ITGA5: variants seen among roughly 807,000 people sequenced by gnomAD.
The protein encoded by ITGA5 is integrin alpha-5.
Under a neutral mutation model 146.3 loss-of-function variants are expected in ITGA5, and 55 were observed. The observed-to-expected ratio is 0.38, with a 90% CI of 0.30 to 0.47. The LOEUF is 0.47. Among genes scored for constraint, ITGA5 ranks in the 20% least tolerant of loss-of-function variants. The pLI is 0.99. For synonymous variants in ITGA5, 500 were observed against 531.8 expected, an observed-to-expected ratio of 0.94 and a Z score of 0.82; for missense variants, 1,131 against 1,329.0, an observed-to-expected ratio of 0.85 and a Z score of 2.32.
Position 54,401,957 on chromosome 12 carries a change from G to C in ITGA5, c.2226+44C>G. 1 of 1,606,092 alleles carries C rather than the reference G, an allele frequency of 6.2e-7. No homozygotes were observed. The highest frequency in any genetic ancestry group is 8.5e-7 in the Non-Finnish European group (1 of 1,172,876). ...CTCGGCTGGCTGGTTACCGCCCTCAGGTCTGCTCTCCCTCTGTCCCATCCT... is the reference window on the plus strand; with the variant it reads ...CTCGGCTGGCTGGTTACCGCCCTCACGTCTGCTCTCCCTCTGTCCCATCCT... On this transcript the variant is annotated intron_variant, in intron 21 of 29. Transcript: ENST00000293379. This position sits in a 1 kb window ranked among gnomAD's most constrained non-coding sequence, Gnocchi z 5.0.
chr12:54,405,754 GAAGGTTCA>G (rs1282406814), intron 10 of ITGA5, 38 bp from the exon 11 acceptor site: 3 of 1,611,320 alleles, frequency 1.9e-6, no homozygotes, highest in Non-Finnish European at 2.5e-6. Context: ...GTCAGAACTA[GAAGGTTCA>G]ATCCACAGGA....
rs868268173 is a variant in ITGA5, at chr12:54,401,640, C to T, written c.2332G>A (p.Asp778Asn). ...ACGGAGAGCCGAAAGGAAACCACGT[C>T]GCTTTGCGAGTTGTTGAGATTCTTG... Reference protein sequence around the residue: ...LSKNLNNSQSDVVSFRLSVEA... With the variant: ...LSKNLNNSQSNVVSFRLSVEA... The change falls in exon 23 of 30, where the codon GAC (aspartate) becomes AAC (asparagine). Residue 778 changes from aspartate to asparagine, a missense_variant. Asp to Asn is a conservative substitution (Grantham distance 23, BLOSUM62 1). This residue lies in a region of ITGA5 where 889 missense variants were observed against 1,021.5 expected (regional missense o/e 0.87). Coordinates refer to ENST00000293379, the MANE Select transcript of ITGA5 (RefSeq NM_002205.5). The surrounding 1 kb of genome is among the most constrained non-coding windows in gnomAD (Gnocchi z 5.0). 1.2e-5 allele frequency: 20 copies of T among 1,614,058 alleles called. No homozygotes were observed. Among genetic ancestry groups the T allele is most frequent in the Admixed American group, 6.7e-5 (4 of 60,008 alleles).
rs568967025 is a variant in ITGA5, at chr12:54,397,398, C to G, written c.3033G>C (p.Leu1011=). The G allele has an allele frequency of 1.3e-4, 208 of 1,614,076 alleles. 4 individuals carry two copies. The South Asian group carries it at 2.2e-3, about 17-fold the overall frequency. The part of the protein sequence containing the change: ...IIILAILFGL[L]LLGLLIYILY... ...GGATGTAGATGAGTAGACCTAGGAGCAGGAGGCCAAACAGGATGGCTAGGA... is the reference window on the plus strand; with the variant it reads ...GGATGTAGATGAGTAGACCTAGGAGGAGGAGGCCAAACAGGATGGCTAGGA... The change falls in exon 29 of 30, where the codon CTG becomes CTC. Residue 1011 remains leucine, a synonymous_variant. Coordinates refer to ENST00000293379, the MANE Select transcript of ITGA5 (RefSeq NM_002205.5).
chr12:54,408,755 C>T lies in ITGA5; in HGVS notation c.691+1G>A, dbSNP rs1219092600. 6.3e-7 allele frequency: 1 copy of T among 1,586,438 alleles called. No homozygotes were observed. Among genetic ancestry groups the T allele is most frequent in the African/African-American group, 1.4e-5 (1 of 73,892 alleles). On this transcript the variant is annotated splice_donor_variant, in intron 6 of 29. Coordinates refer to ENST00000293379, the MANE Select transcript of ITGA5 (RefSeq NM_002205.5). LOFTEE classifies it high-confidence loss of function. The stretch of plus-strand genomic sequence containing the variant: ...AAAAGAATGGCAGAGACAGGACTTA[C>T]CTTGCCAGAAATAGCTTCCTGGTCC...
chr12:54,402,173 A>C lies in ITGA5; in HGVS notation c.2133+7T>G. On this transcript the variant is annotated splice_region_variant and intron_variant, in intron 20 of 29. Coordinates refer to ENST00000293379, the MANE Select transcript of ITGA5 (RefSeq NM_002205.5). The stretch of plus-strand genomic sequence containing the variant: ...CTCCCAAATCCCACTCGAGAGTCTC[A>C]TCTCACCCCTGGGTGTCTGACGAGT... The C allele has an allele frequency of 6.2e-7, 1 of 1,613,188 alleles. No homozygotes were observed. Among genetic ancestry groups the C allele is most frequent in the Non-Finnish European group, 8.5e-7 (1 of 1,179,360 alleles).
chr12:54,406,095 A>G, intron 9 of ITGA5, 169 bp from the exon 10 acceptor site: 1 of 636,592 alleles, frequency 1.6e-6, no homozygotes, highest in Non-Finnish European at 2.8e-6. Context: ...TATGCCAGGT[A>G]GTTCCACCCT....
intron 29 of ITGA5, among the ~76,000 whole-genome samples, chr12:54,397,065 A>G (rs2120455743): frequency 6.6e-6 from 1 of 152,300 alleles, no homozygotes; most frequent in South Asian, 2.1e-4. Context: ...GATGGCTGCC[A>G]TGGATTTTTG....
At chr12:54,417,975 G>T (rs549271275) in intron 1 of ITGA5, among the ~76,000 whole-genome samples, 2 of 152,098 alleles carry the variant, frequency 1.3e-5, no homozygotes, top group Admixed American at 1.3e-4. Flanking sequence ...GGCACTCGGG[G>T]TCCGGGTCTG....
At chr12:54,414,044 C>T (rs1315873350) in intron 1 of ITGA5, among the ~76,000 whole-genome samples, 2 of 152,196 alleles carry the variant, frequency 1.3e-5, no homozygotes, top group Non-Finnish European at 2.9e-5. Context: ...AGCCCACAAG[C>T]CAGGGGCATA....
At chr12:54,411,805 C>T (rs777552672) in intron 2 of ITGA5, 29 bp downstream of exon 2, 5 of 1,471,588 alleles carry the variant, frequency 3.4e-6, no homozygotes, top group East Asian at 2.6e-5. Flanking sequence ...TCCCACCCCC[C>T]AGTCCCTCCC....
In ITGA5 at chr12:54,396,200, G is replaced by T; in HGVS notation, c.*93C>A. Reference sequence around the variant, plus strand: ...GAGAGGAGCTTCTCCCTGGCCGTCAGCACCTTCAAGAAGTACCCAGACCCC... The same window carrying T: ...GAGAGGAGCTTCTCCCTGGCCGTCATCACCTTCAAGAAGTACCCAGACCCC... On this transcript the variant is annotated 3_prime_UTR_variant, in exon 30 of 30. Transcript: ENST00000293379. 9.9e-7 allele frequency: 1 copy of T among 1,014,566 alleles called. No individual in the cohort carries two copies. Among genetic ancestry groups the T allele is most frequent in the Non-Finnish European group, 1.5e-6 (1 of 654,414 alleles). 62.8% of individuals were successfully genotyped at this position (1,014,566 alleles called of 1,614,324 possible).
At chr12:54,413,616 T>TA (rs34977451) in intron 1 of ITGA5, among the ~76,000 whole-genome samples, 60 of 152,254 alleles carry the variant, frequency 3.9e-4, no homozygotes, top group African/African-American at 1.3e-3. Context: ...TGCACCGCCC[T>TA]AGGGCTGGGT....
chr12:54,413,338 G>A (rs987848657), intron 1 of ITGA5: 1 of 152,786 alleles, frequency 6.5e-6, no homozygotes, highest in African/African-American at 2.4e-5. Context: ...AGGGGTCTGT[G>A]AGGGCCAGTG....
At chr12:54,400,737 T>C (rs1955774670) in intron 25 of ITGA5, 109 bp downstream of exon 25, 5 of 1,098,428 alleles carry the variant, frequency 4.6e-6, no homozygotes, top group Non-Finnish European at 5.3e-6. Flanking sequence ...ACCCTAGCTA[T>C]AGGCACATCC....
At position 54,403,402 on chromosome 12, in the gene ITGA5, TC is replaced by T; in HGVS notation, c.1777-79del. The T allele has an allele frequency of 6.9e-7, 1 of 1,450,782 alleles. No individual in the cohort carries two copies. Among genetic ancestry groups the T allele is most frequent in the African/African-American group, 1.4e-5 (1 of 70,368 alleles). 89.9% of individuals were successfully genotyped at this position (1,450,782 alleles called of 1,614,324 possible). Reference sequence around the variant, plus strand: ...GCCCTGCTCCTCAGCCTCTCTCATCTCCCTTTGTCTGCTTAGGGCCCAATTC... The same window carrying T: ...GCCCTGCTCCTCAGCCTCTCTCATCTCCTTTGTCTGCTTAGGGCCCAATTC... On this transcript the variant is annotated intron_variant, in intron 17 of 29. Transcript: ENST00000293379. The surrounding 1 kb of genome is among the most constrained non-coding windows in gnomAD (Gnocchi z 4.9).
chr12:54,412,763 C>G (rs1955963184), intron 1 of ITGA5, among the ~76,000 whole-genome samples: 1 of 152,190 alleles, frequency 6.6e-6, no homozygotes, highest in Non-Finnish European at 1.5e-5. Context: ...TAGCTAAGGG[C>G]CTGGGCAGTC....
At chr12:54,411,780 G>T in intron 2 of ITGA5, 54 bp downstream of exon 2, 1,650 of 949,318 alleles carry the variant, frequency 1.7e-3, no homozygotes, top group Non-Finnish European at 2.1e-3. Context: ...CCCAGGCCTT[G>T]CCCCCAGGCT....
At chr12:54,402,436 C>G in intron 19 of ITGA5, 106 bp from the exon 20 acceptor site, 1 of 1,047,784 alleles carries the variant, frequency 9.5e-7, no homozygotes, top group Non-Finnish European at 1.4e-6. Context: ...GTGGCTCACA[C>G]CTGTAATCCC....
In ITGA5 at chr12:54,401,420, G is replaced by A. The variant is rs2700161; in HGVS notation, c.2446C>T (p.Pro816Ser). 1.0e-4 allele frequency: 167 copies of A among 1,614,074 alleles called. 1 individual carries two copies. In the African/African-American group the frequency reaches 1.2e-3, roughly 11 times the overall value. Reference protein sequence around the residue: ...PVSDWHPRDQPQKEEDLGPAV... With the variant: ...PVSDWHPRDQSQKEEDLGPAV... ...GGTCCCAGGTCCTCCTCCTTCTGAG[G>A]CTGGTCTCGGGGATGCCAGTCGCTT... is the stretch of plus-strand genomic sequence containing the variant. Residue 816 changes from proline to serine, a missense_variant, in exon 24 of 30, where the codon CCT (proline) becomes TCT (serine). Physicochemically the swap from Pro to Ser is moderately conservative, Grantham distance 74. Around this residue, in one of 3 missense-constraint regions of ITGA5, gnomAD observed 889 missense variants for 1,021.5 expected, o/e 0.87. Coordinates refer to ENST00000293379, the MANE Select transcript of ITGA5 (RefSeq NM_002205.5). This position sits in a 1 kb window ranked among gnomAD's most constrained non-coding sequence, Gnocchi z 5.0.
Sources: gnomAD v4.1 joint callset for allele counts (sites outside exome capture counted in the v4.1 genomes callset) on GRCh38, gnomAD v4.1.1 for gene constraint, gnomAD v4.1.1 regional missense constraint, Gnocchi (gnomAD v3.1) non-coding constraint, MANE v1.5 for transcripts, NCBI Gene and HGNC (gene_info 2026-07-23, HGNC 2026-07-21) for gene names.